Variants in STRN3 observed in about 807,000 individuals in gnomAD.
The protein encoded by STRN3 is striatin 3, also known as striatin-3.
STRN3 carries 29 observed loss-of-function variants against 95.6 expected under a neutral mutation model. The observed-to-expected ratio is 0.30, with a 90% CI of 0.23 to 0.41. The LOEUF (loss-of-function observed/expected upper bound fraction) is 0.41. Ranked by LOEUF, STRN3 falls within the 10% of genes least tolerant of loss-of-function variation. The pLI is 1.00. For synonymous variants in STRN3, 331 were observed against 357.6 expected (o/e 0.93, Z 0.84); for missense variants, 890 against 972.1 (o/e 0.92, Z 1.12).
At chr14:30,905,616 ACT>A in intron 14 of STRN3, 58 bp from the exon 15 acceptor site, 2 of 1,529,418 alleles carry the variant, frequency 1.3e-6, no homozygotes, top group Non-Finnish European at 1.7e-6. Flanking sequence ...TGAAATCTCT[ACT>A]TTTTGAAATC....
At chr14:30,916,759 G>T (rs1268171954) in intron 9 of STRN3, among the ~76,000 whole-genome samples, 2 of 152,102 alleles carry the variant, frequency 1.3e-5, no homozygotes. Context: ...GGAAATTTAG[G>T]AGGCCTAAGA....
chr14:30,976,663 C>T (rs1881119113), intron 1 of STRN3, among the ~76,000 whole-genome samples: 1 of 152,232 alleles, frequency 6.6e-6, no homozygotes, highest in African/African-American at 2.4e-5. Context: ...AGAATTCATA[C>T]AGTGTACTAT....
chr14:30,945,169 T>A (rs1301321049), intron 5 of STRN3, among the ~76,000 whole-genome samples: 1 of 152,210 alleles, frequency 6.6e-6, no homozygotes, highest in Admixed American at 6.5e-5. Context: ...ATAACAAGTG[T>A]TGATGAGGAT....
intron 1 of STRN3, among the ~76,000 whole-genome samples, chr14:30,996,272 A>T (rs935816048): frequency 6.6e-6 from 1 of 152,176 alleles, no homozygotes; most frequent in Non-Finnish European, 1.5e-5. Flanking sequence ...CCAGCTGACA[A>T]TGAGAACCCC....
chr14:30,919,204 G>C lies in STRN3; in HGVS notation c.1100-98C>G, dbSNP rs1896818102. 6.5e-6 allele frequency: 8 copies of C among 1,239,086 alleles called. No individual in the cohort carries two copies. In the Admixed American group the frequency reaches 1.9e-4, roughly 30 times the overall value. The allele number at this position is 1,239,086 out of a possible 1,614,324, so 76.8% of individuals were successfully genotyped here. ...ATTTATTAACAAAACAGACTATTAA[G>C]AAGTCCCAGTTATTAAAATATCAGA... On this transcript the variant is annotated intron_variant, in intron 8 of 17. Coordinates refer to ENST00000357479, the MANE Select transcript of STRN3 (RefSeq NM_001083893.2).
At chr14:30,990,039 G>C (rs1384355117) in intron 1 of STRN3, among the ~76,000 whole-genome samples, 1 of 35,674 alleles carries the variant, frequency 2.8e-5, no homozygotes, top group Non-Finnish European at 8.6e-5. Flanking sequence ...TATAAACTCA[G>C]GAAAGAGGGA....
chr14:30,999,207 G>A (rs1163777067), intron 1 of STRN3, among the ~76,000 whole-genome samples: 2 of 151,812 alleles, frequency 1.3e-5, no homozygotes, highest in African/African-American at 2.4e-5. Flanking sequence ...CACCATGCCC[G>A]GCTAATTTTT....
chr14:30,954,611 G>GA (rs1156438494), intron 3 of STRN3, among the ~76,000 whole-genome samples: 2 of 152,134 alleles, frequency 1.3e-5, no homozygotes, highest in Non-Finnish European at 2.9e-5. Flanking sequence ...GTCCTGTAAA[G>GA]AAAATACTTG....
chr14:30,997,997 A>G (rs1030761269), intron 1 of STRN3, among the ~76,000 whole-genome samples: 7 of 152,142 alleles, frequency 4.6e-5, no homozygotes, highest in South Asian at 4.1e-4. Flanking sequence ...GGAGCTACAA[A>G]TTTTATGGCA....
intron 1 of STRN3, among the ~76,000 whole-genome samples, chr14:30,964,922 AAAAAAAAAAG>A (rs1427400942): frequency 6.6e-6 from 1 of 150,952 alleles, no homozygotes; most frequent in African/African-American, 2.4e-5. Flanking sequence ...CCCCTTCTCA[AAAAAAAAAAG>A]AAAAAAAAAG....
At chr14:30,911,295 CTTT>C (rs11297035) in intron 12 of STRN3, 133 bp from the exon 13 acceptor site, 15,634 of 445,376 alleles carry the variant, frequency 0.035, no homozygotes, top group South Asian at 0.062. Context: ...CTGACTGGTA[CTTT>C]TTTTTTTTTT....
intron 9 of STRN3, among the ~76,000 whole-genome samples, chr14:30,913,892 G>A (rs565536559): frequency 6.5e-4 from 99 of 152,052 alleles, no homozygotes; most frequent in Non-Finnish European, 1.2e-3. Flanking sequence ...TTCTGGGGTG[G>A]AAGCTAGGGC....
At position 31,011,709 on chromosome 14, in the gene STRN3, A is replaced by G. The variant is rs117280956; in HGVS notation, c.282+14195T>C. On this transcript the variant is annotated intron_variant, in intron 1 of 17. Transcript: ENST00000357479. ...AAGGAAATGACCAGGGAGCAGTTAC[A>G]TATGTAAAATAGAAAGATTCATAAA... Among the ~76,000 whole-genome samples, 1,054 of 152,348 alleles carry G rather than the reference A, an allele frequency of 6.9e-3. 5 individuals carry two copies. Among genetic ancestry groups the G allele is most frequent in the Middle Eastern group, 0.027 (8 of 294 alleles).
intron 1 of STRN3, among the ~76,000 whole-genome samples, chr14:31,006,463 G>A (rs796069704): frequency 3.9e-5 from 6 of 151,948 alleles, no homozygotes; most frequent in African/African-American, 1.4e-4. Context: ...TGGGAGGCCG[G>A]GGCAGGTGGA....
Position 30,955,547 on chromosome 14 carries a change from G to A in STRN3, c.460+73C>T, listed in dbSNP as rs1879857436. 18 of 1,266,476 alleles carry A rather than the reference G, an allele frequency of 1.4e-5. No individual in the cohort carries two copies. The East Asian group carries it at 1.6e-4, about 11-fold the overall frequency. The allele number at this position is 1,266,476 out of a possible 1,614,324, so 78.5% of individuals were successfully genotyped here. A position where few individuals can be genotyped will look rare whatever the true frequency, so the allele number is the denominator to read the frequency against. On this transcript the variant is annotated intron_variant, in intron 3 of 17. Coordinates refer to ENST00000357479, the MANE Select transcript of STRN3 (RefSeq NM_001083893.2). ...CTCTAATATTATCAAACCAAAATGC[G>A]GGTAAAGAGAACATGTCTGTTACAT...
chr14:31,005,007 G>C (rs1403507475), intron 1 of STRN3, among the ~76,000 whole-genome samples: 1 of 152,090 alleles, frequency 6.6e-6, no homozygotes, highest in Non-Finnish European at 1.5e-5. Flanking sequence ...AAGGTGAAAA[G>C]AGGAAAGGTA....
chr14:31,026,210 G>A lies in STRN3; in HGVS notation c.-25C>T, dbSNP rs1298477191. 2.9e-6 allele frequency: 4 copies of A among 1,391,586 alleles called. No individual in the cohort carries two copies. Among genetic ancestry groups the A allele is most frequent in the South Asian group, 1.6e-5 (1 of 62,700 alleles). 86.2% of individuals were successfully genotyped at this position (1,391,586 alleles called of 1,614,324 possible). ...TTGTGTGTGGGGCCCCGGCCGGGGC[G>A]CAGGGCGAGACGCCGACAGCTGGGG... On this transcript the variant is annotated 5_prime_UTR_variant, in exon 1 of 18. Coordinates refer to ENST00000357479, the MANE Select transcript of STRN3 (RefSeq NM_001083893.2).
intron 1 of STRN3, chr14:31,014,737 A>G: frequency 2.2e-6 from 1 of 447,128 alleles, no homozygotes; most frequent in South Asian, 1.7e-5. Flanking sequence ...ACCTTGAAAC[A>G]GCATTATATA....
chr14:30,897,399 A>G (rs1232457259), intron 16 of STRN3, among the ~76,000 whole-genome samples: 1 of 152,218 alleles, frequency 6.6e-6, no homozygotes, highest in African/African-American at 2.4e-5. Context: ...AGCCTGGCCA[A>G]CATGGGGAAA....
Sources: gnomAD v4.1 joint callset for allele counts (sites outside exome capture counted in the v4.1 genomes callset) on GRCh38, gnomAD v4.1.1 for gene constraint, MANE v1.5 for transcripts, NCBI Gene and HGNC (gene_info 2026-07-23, HGNC 2026-07-21) for gene names.